Variants in KCNK2 observed in about 807,000 individuals in gnomAD.
The protein encoded by KCNK2 is potassium two pore domain channel subfamily K member 2.
KCNK2 carries 21 observed loss-of-function variants against 40.5 expected under a neutral mutation model. The ratio of observed to expected loss-of-function variants is 0.52; its 90% confidence interval spans 0.37 to 0.75. KCNK2 has a LOEUF of 0.75. Ranked by LOEUF, KCNK2 falls within the 30% of genes least tolerant of loss-of-function variation. The pLI, the probability that KCNK2 is intolerant of heterozygous loss-of-function variation, is 0.00. For synonymous variants in KCNK2, 191 were observed against 202.2 expected (o/e 0.94, Z 0.47); for missense variants, 399 against 531.6 (o/e 0.75, Z 2.45).
At chr1:215,022,774 T>C (rs1656852209) in intron 1 of KCNK2, among the ~76,000 whole-genome samples, 1 of 152,124 alleles carries the variant, frequency 6.6e-6, no homozygotes, top group Non-Finnish European at 1.5e-5. Context: ...ATTTTTCTCT[T>C]CTTTTCCAGC....
chr1:215,210,025 ATT>A (rs1491351373), intron 6 of KCNK2, among the ~76,000 whole-genome samples: 2 of 49,462 alleles, frequency 4.0e-5, no homozygotes, highest in Non-Finnish European at 3.9e-5. Flanking sequence ...TATAATATAT[ATT>A]ATATATAATA....
intron 2 of KCNK2, among the ~76,000 whole-genome samples, chr1:215,116,383 T>C (rs1660942032): frequency 6.6e-6 from 1 of 152,132 alleles, no homozygotes; most frequent in Admixed American, 6.6e-5. Flanking sequence ...ATTACTTTTA[T>C]GATTAAAAAA....
intron 2 of KCNK2, among the ~76,000 whole-genome samples, chr1:215,094,036 T>G (rs184387206): frequency 6.9e-5 from 10 of 145,758 alleles, no homozygotes; most frequent in African/African-American, 2.3e-4. Flanking sequence ...AAAACTGCAA[T>G]TACTTTTGCA....
At chr1:215,046,446 C>T (rs565047096) in intron 1 of KCNK2, among the ~76,000 whole-genome samples, 1 of 152,088 alleles carries the variant, frequency 6.6e-6, no homozygotes, top group Non-Finnish European at 1.5e-5. Context: ...AGTATTTAAG[C>T]ATATAGAACT....
In KCNK2 at chr1:215,009,378, C is replaced by T. The variant is rs139886088; in HGVS notation, c.34+3423C>T. 7.8e-3 allele frequency among the ~76,000 whole-genome samples: 1,194 copies of T among 152,210 alleles called. 7 individuals carry two copies. The highest frequency in any genetic ancestry group is 0.011 in the Non-Finnish European group (731 of 67,986). On this transcript the variant is annotated intron_variant, in intron 1 of 6. Coordinates refer to the KCNK2 transcript ENST00000391895. ...AAAATTACTGTATTTGTGAGAGTGTCAGCAGCAGCTATTAAAGAAAATAAT... is the reference window on the plus strand; with the variant it reads ...AAAATTACTGTATTTGTGAGAGTGTTAGCAGCAGCTATTAAAGAAAATAAT...
At chr1:215,027,745 G>A (rs2102483051) in intron 1 of KCNK2, among the ~76,000 whole-genome samples, 1 of 152,282 alleles carries the variant, frequency 6.6e-6, no homozygotes, top group South Asian at 2.1e-4. Context: ...CATATTTTCT[G>A]TAGTATAGAT....
intron 3 of KCNK2, among the ~76,000 whole-genome samples, chr1:215,162,547 G>A (rs1421436459): frequency 6.6e-6 from 1 of 152,132 alleles, no homozygotes; most frequent in Non-Finnish European, 1.5e-5. Flanking sequence ...GGTTTTTATG[G>A]TTTTTGGTCT....
At chr1:215,142,372 G>A (rs114746332) in intron 3 of KCNK2, among the ~76,000 whole-genome samples, 4,567 of 152,102 alleles carry the variant, frequency 0.03, 95 homozygotes, top group South Asian at 0.059. Flanking sequence ...TACATGGTTG[G>A]AGTACATAAT....
In KCNK2 at chr1:215,170,488, T is replaced by C. The variant is rs142035097; in HGVS notation, c.636+1129T>C. 1.3e-3 allele frequency among the ~76,000 whole-genome samples: 194 copies of C among 152,294 alleles called. 1 individual carries two copies. The highest frequency in any genetic ancestry group is 4.4e-3 in the African/African-American group (185 of 41,580). On this transcript the variant is annotated intron_variant, in intron 4 of 6. Coordinates refer to ENST00000444842, the MANE Select transcript of KCNK2 (RefSeq NM_001017425.3). ...GCACCACTGTTGCAAATAAATTTTGTTCATTGTTTAGTAATGTTTTATACT... is the reference window on the plus strand; with the variant it reads ...GCACCACTGTTGCAAATAAATTTTGCTCATTGTTTAGTAATGTTTTATACT...
intron 1 of KCNK2, among the ~76,000 whole-genome samples, chr1:215,059,793 G>A (rs1390046413): frequency 6.6e-6 from 1 of 152,196 alleles, no homozygotes; most frequent in African/African-American, 2.4e-5. Flanking sequence ...GGAGGTAGAA[G>A]GTCAGAATCC....
chr1:215,072,592 T>A (rs1490020407), intron 1 of KCNK2, among the ~76,000 whole-genome samples: 2 of 152,200 alleles, frequency 1.3e-5, no homozygotes, highest in South Asian at 4.1e-4. Context: ...AGTAATCAAC[T>A]AAAGCTGATG....
At chr1:215,010,869 TGTG>T (rs1468886853) in intron 1 of KCNK2, among the ~76,000 whole-genome samples, 96 of 107,404 alleles carry the variant, frequency 8.9e-4, no homozygotes, top group African/African-American at 3.0e-3. Flanking sequence ...TTTTTTTTTT[TGTG>T]TGTGTGTGTG....
intron 3 of KCNK2, among the ~76,000 whole-genome samples, chr1:215,152,519 TC>T (rs2102614405): frequency 6.6e-6 from 1 of 152,282 alleles, no homozygotes; most frequent in African/African-American, 2.4e-5. Flanking sequence ...TTGTGTGCCT[TC>T]ATTAATGGTA....
chr1:215,172,985 A>T (rs902191396), intron 5 of KCNK2, among the ~76,000 whole-genome samples: 4 of 151,952 alleles, frequency 2.6e-5, no homozygotes, highest in African/African-American at 7.2e-5. Flanking sequence ...AAATATATAT[A>T]TTTTTATTAT....
chr1:215,210,290 G>T (rs1435403825), intron 6 of KCNK2, among the ~76,000 whole-genome samples: 1 of 151,160 alleles, frequency 6.6e-6, no homozygotes, highest in Non-Finnish European at 1.5e-5. Flanking sequence ...ACACAACTTT[G>T]GTTTAATAAC....
At chr1:215,197,141 A>T (rs1253343679) in intron 6 of KCNK2, among the ~76,000 whole-genome samples, 1 of 152,216 alleles carries the variant, frequency 6.6e-6, no homozygotes, top group East Asian at 1.9e-4. Context: ...TAAATTGATG[A>T]AATTGGTATA....
rs1351698403 is a variant in KCNK2, at chr1:215,007,031, ATATATATG to A, written c.34+1078_34+1085del. Among the ~76,000 whole-genome samples the A allele has an allele frequency of 6.8e-3, 537 of 79,006 alleles. 3 individuals are homozygous for A. Among genetic ancestry groups the A allele is most frequent in the Non-Finnish European group, 8.3e-3 (336 of 40,338 alleles). The allele number at this position is 79,006 out of a possible 152,430, so 51.8% of individuals were successfully genotyped here. On this transcript the variant is annotated intron_variant, in intron 1 of 6. Transcript: ENST00000391895. The stretch of plus-strand genomic sequence containing the variant: ...TATATATATATATATATATATATAT[ATATATATG>A]TGTGTGTGTGTATATATATATGTGT...
upstream of KCNK2, chr1:215,082,226 G>C (rs1050317600): frequency 1.3e-5 from 2 of 152,304 alleles, no homozygotes; most frequent in African/African-American, 4.8e-5. Flanking sequence ...AGGTGAAGTG[G>C]GGCGAGCTGG....
At chr1:215,227,291 G>A (rs763130893) in intron 6 of KCNK2, among the ~76,000 whole-genome samples, 3 of 152,196 alleles carry the variant, frequency 2.0e-5, no homozygotes, top group Non-Finnish European at 4.4e-5. Flanking sequence ...TGATTCTAAT[G>A]TATTCTAGAG....
Sources: gnomAD v4.1 joint callset for allele counts (sites outside exome capture counted in the v4.1 genomes callset) on GRCh38, gnomAD v4.1.1 for gene constraint, MANE v1.5 for transcripts, NCBI Gene and HGNC (gene_info 2026-07-23, HGNC 2026-07-21) for gene names.